GRM5: variants seen among roughly 807,000 people sequenced by gnomAD.
GRM5 encodes the protein glutamate metabotropic receptor 5, also known as metabotropic glutamate receptor 5.
GRM5 carries 19 observed loss-of-function variants against 83.1 expected under a neutral mutation model. That is an observed-to-expected ratio of 0.23 (90% CI 0.16 to 0.34). GRM5 has a LOEUF of 0.34. Ranked by LOEUF, GRM5 falls within the 10% of genes least tolerant of loss-of-function variation. GRM5 has a pLI of 1.00. For synonymous variants in GRM5, 675 were observed against 633.6 expected (o/e 1.07, Z -0.98); for missense variants, 1,160 against 1,588.3 (o/e 0.73, Z 4.58).
In GRM5 at chr11:89,022,659, T is replaced by C. The variant is rs536976577; in HGVS notation, c.661+24553A>G. Among the ~76,000 whole-genome samples the C allele has an allele frequency of 3.5e-4, 54 of 152,142 alleles. 1 individual carries two copies. The South Asian group carries it at 8.5e-3, about 24-fold the overall frequency. On this transcript the variant is annotated intron_variant, in intron 2 of 9. Transcript: ENST00000305447. ...AGAGGGAGACTCCATCTCAAAGAGATAGACAGACAGACAGAGAGACAGATA... is the reference window on the plus strand; with the variant it reads ...AGAGGGAGACTCCATCTCAAAGAGACAGACAGACAGACAGAGAGACAGATA...
chr11:88,676,702 C>G (rs112445745), intron 3 of GRM5, among the ~76,000 whole-genome samples: 149 of 152,094 alleles, frequency 9.8e-4, no homozygotes, highest in African/African-American at 3.4e-3. Context: ...TCCCTCAATT[C>G]AAATACTCCA....
rs140789909 is a variant in GRM5, at chr11:88,774,358, A to G, written c.911+75548T>C. On this transcript the variant is annotated intron_variant, in intron 3 of 9. Transcript: ENST00000305447. ...CTTAAGGAGATTTTGGGCTGAGACA[A>G]TAGGGTTTTCTAAACATACAATCAT... Among the ~76,000 whole-genome samples, 676 of 152,312 alleles carry G rather than the reference A, an allele frequency of 4.4e-3. 3 individuals are homozygous for G. The highest frequency in any genetic ancestry group is 6.7e-3 in the Non-Finnish European group (459 of 68,024).
intron 2 of GRM5, among the ~76,000 whole-genome samples, chr11:88,936,300 G>A (rs1323232637): frequency 6.6e-6 from 1 of 151,910 alleles, no homozygotes; most frequent in Non-Finnish European, 1.5e-5. Flanking sequence ...TTGGCAAGAA[G>A]TCAATGTATG....
intron 4 of GRM5, among the ~76,000 whole-genome samples, chr11:88,614,034 T>C (rs1282296253): frequency 6.6e-6 from 1 of 152,192 alleles, no homozygotes; most frequent in African/African-American, 2.4e-5. Context: ...GCCACACTTA[T>C]GTGCTTTACC....
At chr11:88,998,225 T>C (rs953975820) in intron 2 of GRM5, among the ~76,000 whole-genome samples, 2 of 152,098 alleles carry the variant, frequency 1.3e-5, no homozygotes, top group Non-Finnish European at 2.9e-5. Flanking sequence ...TAAAAACGAA[T>C]TCAGCAGTTT....
intron 8 of GRM5, among the ~76,000 whole-genome samples, chr11:88,527,958 G>A (rs1223302032): frequency 6.6e-6 from 1 of 151,872 alleles, no homozygotes; most frequent in African/African-American, 2.4e-5. Flanking sequence ...AGGAGAGTGA[G>A]GATCAAAAAA....
chr11:88,591,416 T>C (rs1937637566), intron 6 of GRM5, among the ~76,000 whole-genome samples: 1 of 152,206 alleles, frequency 6.6e-6, no homozygotes, highest in Non-Finnish European at 1.5e-5. Context: ...TAATGGAAAA[T>C]AATTGAAATA....
chr11:88,866,949 T>A (rs1287678283), intron 2 of GRM5, among the ~76,000 whole-genome samples: 1 of 152,176 alleles, frequency 6.6e-6, no homozygotes, highest in African/African-American at 2.4e-5. Context: ...CCAATGCCAT[T>A]TATTAAATAG....
intron 2 of GRM5, among the ~76,000 whole-genome samples, chr11:88,915,496 T>C (rs1003661926): frequency 9.2e-5 from 14 of 152,054 alleles, no homozygotes; most frequent in Non-Finnish European, 1.8e-4. Flanking sequence ...TTATGGAGAG[T>C]ATCTGTTTCT....
chr11:88,563,634 T>G (rs308873), intron 8 of GRM5, among the ~76,000 whole-genome samples: 134,349 of 152,190 alleles, frequency 0.88, 59,685 homozygotes, highest in East Asian at 1. Context: ...CCAGAGACTT[T>G]ATTTACCTAT....
At chr11:88,778,551 T>G (rs1942908090) in intron 3 of GRM5, among the ~76,000 whole-genome samples, 1 of 152,190 alleles carries the variant, frequency 6.6e-6, no homozygotes, top group Admixed American at 6.5e-5. Context: ...CATTAGGAGA[T>G]GCAGACTGGA....
At chr11:88,597,081 T>A (rs1187938139) in intron 6 of GRM5, 103 bp downstream of exon 6, 1 of 662,116 alleles carries the variant, frequency 1.5e-6, no homozygotes, top group East Asian at 2.8e-5. Context: ...AAGCTTACAA[T>A]ATAAAAAGTA....
At chr11:88,601,322 A>G (rs1001004202) in intron 5 of GRM5, among the ~76,000 whole-genome samples, 2 of 151,922 alleles carry the variant, frequency 1.3e-5, no homozygotes, top group Non-Finnish European at 2.9e-5. Flanking sequence ...CGTATTTTCT[A>G]TTTACCGCAT....
At chr11:88,806,211 G>A (rs1026119460) in intron 3 of GRM5, among the ~76,000 whole-genome samples, 1 of 152,178 alleles carries the variant, frequency 6.6e-6, no homozygotes, top group Non-Finnish European at 1.5e-5. Context: ...TTCATACAAA[G>A]AGATTCTGAT....
chr11:89,043,573 A>ATTT (rs369706887), intron 2 of GRM5, among the ~76,000 whole-genome samples: 2,130 of 140,020 alleles, frequency 0.015, 34 homozygotes, highest in African/African-American at 0.05. Flanking sequence ...AATGCATGTT[A>ATTT]TTTTTTTTTT....
At chr11:88,621,644 A>C (rs1224431360) in intron 4 of GRM5, among the ~76,000 whole-genome samples, 1 of 152,162 alleles carries the variant, frequency 6.6e-6, no homozygotes, top group African/African-American at 2.4e-5. Flanking sequence ...ATCTTTGAAA[A>C]TTTGAGAATT....
intron 2 of GRM5, among the ~76,000 whole-genome samples, chr11:89,016,816 G>C (rs1025660926): frequency 1.3e-5 from 2 of 152,114 alleles, no homozygotes; most frequent in African/African-American, 4.8e-5. Flanking sequence ...GGATAAAACA[G>C]TCAGGAAGAT....
chr11:88,831,858 T>G (rs1036733212), intron 3 of GRM5, among the ~76,000 whole-genome samples: 1 of 152,152 alleles, frequency 6.6e-6, no homozygotes, highest in African/African-American at 2.4e-5. Context: ...AATGCAAAGC[T>G]GCCACTACCA....
intron 8 of GRM5, among the ~76,000 whole-genome samples, chr11:88,560,842 G>A (rs1009390740): frequency 6.6e-6 from 1 of 152,176 alleles, no homozygotes; most frequent in Non-Finnish European, 1.5e-5. Context: ...GCACAGTGGT[G>A]GTATTGCTCA....
Sources: allele counts gnomAD v4.1 joint callset (sites outside exome capture counted in the v4.1 genomes callset), GRCh38; gene constraint gnomAD v4.1.1; transcripts MANE v1.5; gene names NCBI Gene and HGNC (gene_info 2026-07-23, HGNC 2026-07-21).